PSD3: variants seen among roughly 807,000 people sequenced by gnomAD.
PSD3 encodes PH and SEC7 domain-containing protein 3.
Under a neutral mutation model 105.5 loss-of-function variants are expected in PSD3, and 49 were observed. The observed-to-expected ratio is 0.46, with a 90% CI of 0.37 to 0.59. The LOEUF (loss-of-function observed/expected upper bound fraction) is 0.59, where lower values mean the gene tolerates loss of function less well. Among genes scored for constraint, PSD3 ranks in the 20% least tolerant of loss-of-function variants. The pLI is 0.00. For missense variants in PSD3, 1,561 were observed against 1,263.8 expected (o/e 1.24, Z -3.57); for synonymous variants, 557 against 457.8 (o/e 1.22, Z -2.77).
chr8:18,878,286 A>C (rs1016067667), intron 2 of PSD3, among the ~76,000 whole-genome samples: 2 of 152,166 alleles, frequency 1.3e-5, no homozygotes, highest in African/African-American at 4.8e-5. Context: ...TGAATCTTAT[A>C]TCCTACAACC....
chr8:18,811,831 T>C (rs930659654), intron 4 of PSD3, among the ~76,000 whole-genome samples: 10 of 152,176 alleles, frequency 6.6e-5, no homozygotes, highest in Non-Finnish European at 1.5e-4. Context: ...TTTTCTCGAC[T>C]CAGAGTCTTT....
At chr8:18,751,300 C>A (rs1186359930) in intron 9 of PSD3, among the ~76,000 whole-genome samples, 2 of 152,212 alleles carry the variant, frequency 1.3e-5, no homozygotes, top group Non-Finnish European at 2.9e-5. Context: ...AAGCCCCTCA[C>A]TGAAACGATC....
chr8:18,733,944 A>G (rs1267931706), intron 9 of PSD3: 1 of 152,292 alleles, frequency 6.6e-6, no homozygotes, highest in African/African-American at 2.4e-5. Context: ...AAAACCACAG[A>G]TGAAAGGAAC....
chr8:18,774,589 CCTG>C, intron 8 of PSD3: 32 of 375,276 alleles, frequency 8.5e-5, no homozygotes, highest in Middle Eastern at 9.2e-4. Context: ...ACAGCCTGTT[CCTG>C]CTGCTGCTGC....
chr8:18,598,592 T>A (rs986447206), intron 12 of PSD3, among the ~76,000 whole-genome samples: 1 of 152,186 alleles, frequency 6.6e-6, no homozygotes, highest in East Asian at 1.9e-4. Flanking sequence ...GATATTAATA[T>A]CCTTTCATGA....
At chr8:18,772,970 T>A (rs1411327581) in intron 8 of PSD3, among the ~76,000 whole-genome samples, 1 of 152,240 alleles carries the variant, frequency 6.6e-6, no homozygotes, top group African/African-American at 2.4e-5. Flanking sequence ...TATTTTATTC[T>A]ATTCTGTAGG....
chr8:18,949,093 G>A (rs1823039870), intron 1 of PSD3, among the ~76,000 whole-genome samples: 1 of 148,952 alleles, frequency 6.7e-6, no homozygotes, highest in South Asian at 2.1e-4. Context: ...GTGGTGGCGG[G>A]CCCCTGTAGT....
chr8:18,829,890 T>A (rs1232789224), intron 4 of PSD3, among the ~76,000 whole-genome samples: 1 of 152,064 alleles, frequency 6.6e-6, no homozygotes, highest in Non-Finnish European at 1.5e-5. Context: ...AAATAATAAA[T>A]AAAAATAAAA....
intron 11 of PSD3, among the ~76,000 whole-genome samples, chr8:18,624,207 A>G (rs1186398386): frequency 6.6e-6 from 1 of 152,170 alleles, no homozygotes; most frequent in Non-Finnish European, 1.5e-5. Flanking sequence ...AGTACAAATG[A>G]TACCACTAAT....
At chr8:18,715,409 G>A (rs1802521301) in intron 9 of PSD3, among the ~76,000 whole-genome samples, 1 of 152,164 alleles carries the variant, frequency 6.6e-6, no homozygotes, top group South Asian at 2.1e-4. Context: ...ATCCATGTAT[G>A]TAATTCAACA....
At chr8:18,640,801 C>G (rs991575242) in intron 10 of PSD3, among the ~76,000 whole-genome samples, 13 of 152,334 alleles carry the variant, frequency 8.5e-5, no homozygotes, top group African/African-American at 3.1e-4. Context: ...ATTAGCCCCA[C>G]TGACCTACCT....
At chr8:18,893,651 A>C (rs1818956715) in intron 2 of PSD3, among the ~76,000 whole-genome samples, 1 of 152,084 alleles carries the variant, frequency 6.6e-6, no homozygotes, top group Middle Eastern at 3.4e-3. Context: ...CTCCAGGCCC[A>C]GGCCCAGGAG....
chr8:18,974,475 G>T (rs920072109), intron 1 of PSD3, among the ~76,000 whole-genome samples: 2 of 152,190 alleles, frequency 1.3e-5, no homozygotes, highest in African/African-American at 4.8e-5. Context: ...GACGCAAGGA[G>T]AGCAAATTCT....
At chr8:18,561,415 T>C (rs1430689309) in intron 14 of PSD3, among the ~76,000 whole-genome samples, 1 of 152,128 alleles carries the variant, frequency 6.6e-6, no homozygotes, top group Non-Finnish European at 1.5e-5. Context: ...ATATGGAATC[T>C]AAAACAATTG....
intron 6 of PSD3, among the ~76,000 whole-genome samples, chr8:18,802,735 C>T (rs1374670337): frequency 1.3e-5 from 2 of 152,118 alleles, no homozygotes; most frequent in Non-Finnish European, 2.9e-5. Context: ...ACTAGATGAT[C>T]TCAGAATTCT....
chr8:18,914,209 A>AT (rs1189114531), intron 2 of PSD3, among the ~76,000 whole-genome samples: 1 of 151,770 alleles, frequency 6.6e-6, no homozygotes, highest in Admixed American at 6.6e-5. Flanking sequence ...GAAAAAAAAA[A>AT]AAAACACCTT....
intron 2 of PSD3, among the ~76,000 whole-genome samples, chr8:18,896,438 G>C (rs1010532724): frequency 6.6e-6 from 1 of 152,158 alleles, no homozygotes; most frequent in African/African-American, 2.4e-5. Context: ...TTTTGAGACA[G>C]GGTCTCGCTC....
intron 13 of PSD3, among the ~76,000 whole-genome samples, chr8:18,574,172 G>C (rs1458334973): frequency 5.3e-5 from 8 of 152,064 alleles, no homozygotes; most frequent in Admixed American, 5.2e-4. Flanking sequence ...AAAAAAGTCA[G>C]CCAAAGTCAT....
intron 15 of PSD3, among the ~76,000 whole-genome samples, chr8:18,541,084 C>T (rs1477508631): frequency 6.6e-6 from 1 of 151,510 alleles, no homozygotes; most frequent in East Asian, 1.9e-4. Flanking sequence ...AAATCTAAAA[C>T]TGGAACACCT....
Sources: gnomAD v4.1 joint callset for allele counts (sites outside exome capture counted in the v4.1 genomes callset) on GRCh38, gnomAD v4.1.1 for gene constraint, MANE v1.5 for transcripts, NCBI Gene and HGNC (gene_info 2026-07-23, HGNC 2026-07-21) for gene names.